The following AP3D1 variants were observed in gnomAD, a reference collection of about 807,000 sequenced individuals.
AP3D1 encodes adaptor related protein complex 3 subunit delta 1.
AP3D1 carries 51 observed loss-of-function variants against 147.6 expected under a neutral mutation model. The observed-to-expected ratio is 0.35, with a 90% CI of 0.28 to 0.44. The LOEUF (loss-of-function observed/expected upper bound fraction) is 0.44, where lower values mean the gene tolerates loss of function less well. AP3D1 is among the 20% of genes least tolerant of loss of function. The pLI is 1.00. For missense variants in AP3D1, 1,421 were observed against 1,624.2 expected (o/e 0.87, Z 2.15); for synonymous variants, 760 against 663.0 (o/e 1.15, Z -2.25).
At chr19:2,112,827 C>T (rs1198800447) in intron 24 of AP3D1, 33 bp downstream of exon 24, 10 of 1,557,646 alleles carry the variant, frequency 6.4e-6, no homozygotes, top group African/African-American at 4.1e-5. Flanking sequence ...CTCATGCAGC[C>T]CTCCACAGCC....
chr19:2,111,277 C>A lies in AP3D1; in HGVS notation c.2985+8G>T. On this transcript the variant is annotated splice_region_variant and intron_variant, in intron 26 of 31. Coordinates refer to ENST00000643116, the MANE Select transcript of AP3D1 (RefSeq NM_001261826.3). ...CCCACCCTGCCCCTGGGAGCGGCTG[C>A]CACTCACCATTTTAACATAGGAATT... is the stretch of plus-strand genomic sequence containing the variant. 1 of 1,613,822 alleles carries A rather than the reference C, an allele frequency of 6.2e-7. No homozygotes were observed. Among genetic ancestry groups the A allele is most frequent in the Non-Finnish European group, 8.5e-7 (1 of 1,179,990 alleles).
At chr19:2,160,355 C>T (rs1568316228) in intron 1 of AP3D1, among the ~76,000 whole-genome samples, 1 of 151,958 alleles carries the variant, frequency 6.6e-6, no homozygotes. Context: ...ATGGTGAAAC[C>T]CCATCTCTAC....
chr19:2,121,101 C>A lies in AP3D1; in HGVS notation c.1251-9G>T. 3.1e-6 allele frequency: 5 copies of A among 1,613,770 alleles called. No homozygotes were observed. Among genetic ancestry groups the A allele is most frequent in the Non-Finnish European group, 4.2e-6 (5 of 1,179,880 alleles). ...CCAGGATGCTGATGTACCTGTGGGG[C>A]AGAGGCGGTGAGTGAGCGGCGCCAC... On this transcript the variant is annotated splice_polypyrimidine_tract_variant and intron_variant, in intron 13 of 31. Coordinates refer to ENST00000643116, the MANE Select transcript of AP3D1 (RefSeq NM_001261826.3).
chr19:2,102,042 CG>C lies in AP3D1; in HGVS notation c.*130del. 1 of 689,630 alleles carries C rather than the reference CG, an allele frequency of 1.5e-6. No homozygotes were observed. The allele number at this position is 689,630 out of a possible 1,614,324, so 42.7% of individuals were successfully genotyped here. ...CAAATGACCTCGGATGTCTACACGG[CG>C]GACAACATAGAGTTAAATTAACACT... On this transcript the variant is annotated 3_prime_UTR_variant, in exon 32 of 32. Coordinates refer to ENST00000643116, the MANE Select transcript of AP3D1 (RefSeq NM_001261826.3).
chr19:2,120,948 A>G lies in AP3D1; in HGVS notation c.1395T>C (p.Ser465=), dbSNP rs1404664622. Residue 465 remains serine (S), a synonymous_variant, in exon 14 of 32, where the codon AGT becomes AGC. Transcript: ENST00000643116. ...AVSQMSALLD[S]AHLLASSTQR... ...GGGTGCTGCTGGCCAGCAGGTGTGC[A>G]CTGTCAAGCAGCGCAGACATCTGGG... is the stretch of plus-strand genomic sequence containing the variant. 3.7e-6 allele frequency: 6 copies of G among 1,612,134 alleles called. No individual in the cohort carries two copies. The highest frequency in any genetic ancestry group is 1.1e-5 in the South Asian group (1 of 91,090).
Position 2,114,163 on chromosome 19 carries a change from CTT to C in AP3D1, c.2561_2562del (p.Lys854ArgfsTer15). 6.3e-7 allele frequency: 1 copy of C among 1,578,790 alleles called. No homozygotes were observed. The highest frequency in any genetic ancestry group is 8.6e-7 in the Non-Finnish European group (1 of 1,161,746). ...PKKKEKKHKE[K>X]ERDKEKKKEK... ...TCCTTCTTCTTCTCCTTGTCTCTCT[CTT>C]TCTCTTTGTGTTTTTTCTCTTTCTT... On this transcript the variant is annotated frameshift_variant, in exon 22 of 32. Transcript: ENST00000643116. LOFTEE classifies it high-confidence loss of function.
chr19:2,142,867 T>C lies in AP3D1; in HGVS notation c.97-4153A>G, dbSNP rs1000753392. 3.3e-5 allele frequency among the ~76,000 whole-genome samples: 5 copies of C among 152,114 alleles called. No individual in the cohort carries two copies. The East Asian group carries it at 9.7e-4, about 29-fold the overall frequency. On this transcript the variant is annotated intron_variant, in intron 1 of 31. Coordinates refer to ENST00000643116, the MANE Select transcript of AP3D1 (RefSeq NM_001261826.3). Reference sequence around the variant, plus strand: ...AACCTCCGCCTCCCAAGCTCAAGTGTGATTCTCCTGTCTCAGCCTCCCAAG... The same window carrying C: ...AACCTCCGCCTCCCAAGCTCAAGTGCGATTCTCCTGTCTCAGCCTCCCAAG...
chr19:2,150,090 T>C (rs1479182154), intron 1 of AP3D1, among the ~76,000 whole-genome samples: 1 of 152,182 alleles, frequency 6.6e-6, no homozygotes, highest in African/African-American at 2.4e-5. Context: ...TGTAAAGGTG[T>C]AACAATACGG....
At chr19:2,163,099 A>T (rs1568318187) in intron 1 of AP3D1, among the ~76,000 whole-genome samples, 2 of 152,030 alleles carry the variant, frequency 1.3e-5, no homozygotes, top group African/African-American at 2.4e-5. Context: ...TTTGAGACGG[A>T]GTCTTGCTCT....
Position 2,109,139 on chromosome 19 carries a change from C to A in AP3D1, c.3419G>T (p.Arg1140Leu). The change falls in exon 30 of 32, where the codon CGG becomes CTG. Residue 1140 changes from arginine (R) to leucine (L), a missense_variant. Coordinates refer to ENST00000643116, the MANE Select transcript of AP3D1 (RefSeq NM_001261826.3). ...SMSSIKVDGI[R>L]MSFQNLLAKI... ...CGCCAGAAGATTCTGGAAGGACATCCGAATGCCATCGACTTTGATTGAGCT... is the reference window on the plus strand; with the variant it reads ...CGCCAGAAGATTCTGGAAGGACATCAGAATGCCATCGACTTTGATTGAGCT... The A allele has an allele frequency of 6.2e-7, 1 of 1,608,864 alleles. No homozygotes were observed. The highest frequency in any genetic ancestry group is 8.5e-7 in the Non-Finnish European group (1 of 1,178,520).
chr19:2,163,874 G>C (rs1460258648), intron 1 of AP3D1, among the ~76,000 whole-genome samples: 1 of 149,870 alleles, frequency 6.7e-6, no homozygotes, highest in African/African-American at 2.4e-5. Context: ...ACGCGCCGGC[G>C]TCTTCGCTCC....
rs578037997 is a variant in AP3D1, at chr19:2,132,430, G to A, written c.462+41C>T. 394 of 1,549,138 alleles carry A rather than the reference G, an allele frequency of 2.5e-4. 1 individual carries two copies. In the East Asian group the frequency reaches 8.7e-3, roughly 34 times the overall value. ...TGCCACTTTGACCGAGTTTTTCCCAGAGCAGACATGCAGGGGTGGTGGGCA... is the reference window on the plus strand; with the variant it reads ...TGCCACTTTGACCGAGTTTTTCCCAAAGCAGACATGCAGGGGTGGTGGGCA... On this transcript the variant is annotated intron_variant, in intron 5 of 31. Coordinates refer to ENST00000643116, the MANE Select transcript of AP3D1 (RefSeq NM_001261826.3).
chr19:2,122,100 C>T lies in AP3D1; in HGVS notation c.956-221G>A, dbSNP rs77671679. Among the ~76,000 whole-genome samples, 7,129 of 152,218 alleles carry T rather than the reference C, an allele frequency of 0.047. 274 individuals carry two copies. Among genetic ancestry groups the T allele is most frequent in the East Asian group, 0.21 (1,103 of 5,176 alleles). On this transcript the variant is annotated intron_variant, in intron 11 of 31. Transcript: ENST00000643116. ...GCCGGGGTGCAGGCTGCCCCCATGC[C>T]GGCTCCCTCAGGAAGGCCTCCCCTA...
chr19:2,151,162 C>A, intron 1 of AP3D1, 77 bp downstream of exon 1: 1 of 1,355,866 alleles, frequency 7.4e-7, no homozygotes. Context: ...GCAGGCCGAG[C>A]AGGCCCAGTG....
Position 2,113,450 on chromosome 19 carries a change from C to T in AP3D1, c.2602-37G>A, listed in dbSNP as rs981301109. 3.8e-6 allele frequency: 5 copies of T among 1,327,902 alleles called. No homozygotes were observed. In the African/African-American group the frequency reaches 7.6e-5, roughly 20 times the overall value. The allele number at this position is 1,327,902 out of a possible 1,614,324, so 82.3% of individuals were successfully genotyped here. A position where few individuals can be genotyped will look rare whatever the true frequency, so the allele number is the denominator to read the frequency against. ...AGACAGGCTGTCAGCAAACGCAGTGCAATGGTCCTGGGAAGAGGGGACGGG... is the reference window on the plus strand; with the variant it reads ...AGACAGGCTGTCAGCAAACGCAGTGTAATGGTCCTGGGAAGAGGGGACGGG... On this transcript the variant is annotated intron_variant, in intron 22 of 31. Coordinates refer to ENST00000643116, the MANE Select transcript of AP3D1 (RefSeq NM_001261826.3).
intron 31 of AP3D1, among the ~76,000 whole-genome samples, chr19:2,104,673 T>G (rs1355348652): frequency 1.8e-5 from 2 of 113,390 alleles, no homozygotes; most frequent in African/African-American, 3.0e-5. Context: ...CAAGTTTTTT[T>G]TTTTTTTTTT....
chr19:2,107,743 A>T (rs1259647024), intron 31 of AP3D1, among the ~76,000 whole-genome samples: 1 of 151,604 alleles, frequency 6.6e-6, no homozygotes, highest in Non-Finnish European at 1.5e-5. Context: ...CCGTCTCAAA[A>T]AAAAAAAAAA....
intron 1 of AP3D1, among the ~76,000 whole-genome samples, chr19:2,162,368 C>T (rs555378842): frequency 4.9e-5 from 7 of 142,080 alleles, no homozygotes; most frequent in Admixed American, 4.8e-4. Flanking sequence ...CTAAAGGGGC[C>T]GGGTGCGGTG....
chr19:2,114,167 CTCTT>C lies in AP3D1; in HGVS notation c.2555_2558del (p.Lys852ArgfsTer46). ...TCTTCTTCTCCTTGTCTCTCTCTTT[CTCTT>C]TGTGTTTTTTCTCTTTCTTCTTGGG... On this transcript the variant is annotated frameshift_variant, in exon 22 of 32. Coordinates refer to ENST00000643116, the MANE Select transcript of AP3D1 (RefSeq NM_001261826.3). LOFTEE classifies it high-confidence loss of function. The C allele has an allele frequency of 1.3e-6, 2 of 1,584,158 alleles. No homozygotes were observed. Among genetic ancestry groups the C allele is most frequent in the Non-Finnish European group, 1.7e-6 (2 of 1,164,562 alleles).
Sources: allele counts gnomAD v4.1 joint callset (sites outside exome capture counted in the v4.1 genomes callset), GRCh38; gene constraint gnomAD v4.1.1; transcripts MANE v1.5; gene names NCBI Gene and HGNC (gene_info 2026-07-23, HGNC 2026-07-21).